Variants in CDC42SE2 observed in about 807,000 individuals in gnomAD.
The protein encoded by CDC42SE2 is CDC42 small effector 2, also known as CDC42 small effector protein 2.
In CDC42SE2, 3 loss-of-function variants were observed where a neutral mutation model predicts 11.5. The observed-to-expected ratio is 0.26, with a 90% CI of 0.12 to 0.67. The LOEUF is 0.67. Ranked by LOEUF, CDC42SE2 falls within the 30% of genes least tolerant of loss-of-function variation. The pLI is 0.80. For missense variants in CDC42SE2, 82 were observed against 106.8 expected, an observed-to-expected ratio of 0.77 and a Z score of 1.02; for synonymous variants, 33 against 34.8, an observed-to-expected ratio of 0.95 and a Z score of 0.18.
intron 1 of CDC42SE2, among the ~76,000 whole-genome samples, chr5:131,250,859 G>C (rs934609539): frequency 1.3e-5 from 2 of 152,046 alleles, no homozygotes; most frequent in Non-Finnish European, 2.9e-5. Flanking sequence ...GGTAAACAGA[G>C]CAAGATCCCA....
the CDC42SE2 span, among the ~76,000 whole-genome samples, chr5:131,228,634 G>A: frequency 6.6e-6 from 1 of 152,220 alleles, no homozygotes; most frequent in African/African-American, 2.4e-5. Flanking sequence ...CTTTTAGGGT[G>A]TATATCCTCA....
rs748627066 is a variant in CDC42SE2, at chr5:131,359,460, C to G, written c.-34C>G. 3.8e-6 allele frequency: 6 copies of G among 1,577,884 alleles called. No homozygotes were observed. The African/African-American group carries it at 8.1e-5, about 21-fold the overall frequency. ...AACTTCCCGAGTTGAGATTTGGAAC[C>G]TTCATTGGTGCTCATTTACTGTGGA... On this transcript the variant is annotated 5_prime_UTR_variant, in exon 3 of 5. Coordinates refer to ENST00000505065, the MANE Select transcript of CDC42SE2 (RefSeq NM_001375635.1).
intron 1 of CDC42SE2, among the ~76,000 whole-genome samples, chr5:131,248,985 A>G (rs1185242130): frequency 6.6e-6 from 1 of 151,260 alleles, no homozygotes; most frequent in Non-Finnish European, 1.5e-5. Context: ...TTGAAGATTA[A>G]TAAGTGTCCA....
chr5:131,370,213 T>G (rs42256), intron 3 of CDC42SE2, among the ~76,000 whole-genome samples: 1 of 152,102 alleles, frequency 6.6e-6, no homozygotes, highest in African/African-American at 2.4e-5. Flanking sequence ...ATTTTATTAT[T>G]GTTGTTATGA....
intron 4 of CDC42SE2, among the ~76,000 whole-genome samples, chr5:131,388,611 C>T (rs1028727427): frequency 1.3e-5 from 2 of 152,060 alleles, no homozygotes; most frequent in African/African-American, 2.4e-5. Context: ...AAAAGATTTC[C>T]GTTACCCGTT....
intron 2 of CDC42SE2, among the ~76,000 whole-genome samples, chr5:131,323,745 T>C (rs895676875): frequency 6.6e-6 from 1 of 152,164 alleles, no homozygotes; most frequent in Non-Finnish European, 1.5e-5. Flanking sequence ...TGAAAAACTC[T>C]GTGTCATTTT....
chr5:131,278,787 CCTT>C (rs1340804804), intron 1 of CDC42SE2, among the ~76,000 whole-genome samples: 16 of 57,248 alleles, frequency 2.8e-4, no homozygotes, highest in South Asian at 8.7e-4. Context: ...TTCTCCCCTC[CCTT>C]CTTTTTTTTT....
chr5:131,345,828 G>A (rs1450068085), intron 2 of CDC42SE2, among the ~76,000 whole-genome samples: 3 of 149,488 alleles, frequency 2.0e-5, no homozygotes, highest in Non-Finnish European at 1.5e-5. Context: ...AGCCAGAAGA[G>A]AGTGGGGGCC....
chr5:131,360,353 C>T (rs544057014), intron 3 of CDC42SE2, among the ~76,000 whole-genome samples: 3 of 152,308 alleles, frequency 2.0e-5, no homozygotes, highest in African/African-American at 7.2e-5. Context: ...CTCCTGACCT[C>T]AGGTGATCCA....
intron 2 of CDC42SE2, among the ~76,000 whole-genome samples, chr5:131,320,161 G>A (rs1053579012): frequency 1.3e-5 from 2 of 151,666 alleles, no homozygotes; most frequent in African/African-American, 4.8e-5. Flanking sequence ...AAGGCAGGTG[G>A]ATCACTTGAG....
intron 1 of CDC42SE2, among the ~76,000 whole-genome samples, chr5:131,254,660 A>C (rs1244329036): frequency 2.7e-5 from 4 of 149,112 alleles, no homozygotes; most frequent in African/African-American, 7.4e-5. Flanking sequence ...TTTAGTCTTC[A>C]TTCTTGCATA....
At chr5:131,293,672 T>G (rs541016699) in intron 1 of CDC42SE2, among the ~76,000 whole-genome samples, 3 of 152,284 alleles carry the variant, frequency 2.0e-5, no homozygotes, top group Admixed American at 1.3e-4. Flanking sequence ...AAACAAATTT[T>G]CATTGTGTAT....
At chr5:131,332,888 G>T (rs1758455634) in intron 2 of CDC42SE2, among the ~76,000 whole-genome samples, 1 of 152,070 alleles carries the variant, frequency 6.6e-6, no homozygotes, top group Non-Finnish European at 1.5e-5. Flanking sequence ...AGATGAGTAG[G>T]TTGCAAAAAT....
intron 1 of CDC42SE2, among the ~76,000 whole-genome samples, chr5:131,312,763 C>G (rs1757952098): frequency 6.6e-6 from 1 of 152,190 alleles, no homozygotes; most frequent in Non-Finnish European, 1.5e-5. Context: ...ACCCCTTGCA[C>G]TTCCCGAGTG....
chr5:131,380,964 T>C (rs1477770000), intron 3 of CDC42SE2, among the ~76,000 whole-genome samples: 2 of 152,240 alleles, frequency 1.3e-5, no homozygotes, highest in Non-Finnish European at 2.9e-5. Context: ...TGACTTGATA[T>C]TGCTGAATCC....
At chr5:131,275,775 T>C (rs1757088381) in intron 1 of CDC42SE2, among the ~76,000 whole-genome samples, 1 of 152,072 alleles carries the variant, frequency 6.6e-6, no homozygotes, top group Non-Finnish European at 1.5e-5. Context: ...TTTTGAAAGC[T>C]CAAATAGAAG....
intron 1 of CDC42SE2, among the ~76,000 whole-genome samples, chr5:131,293,570 C>A (rs1251516951): frequency 5.2e-5 from 4 of 77,370 alleles, no homozygotes; most frequent in African/African-American, 1.4e-4. Context: ...AAAACTCCGT[C>A]TCAAAAAAAA....
intron 1 of CDC42SE2, among the ~76,000 whole-genome samples, chr5:131,307,637 G>T (rs541402674): frequency 6.6e-6 from 1 of 152,260 alleles, no homozygotes; most frequent in African/African-American, 2.4e-5. Flanking sequence ...CTGAGGAATT[G>T]CCACACTGAC....
At chr5:131,296,903 G>C (rs1757580880) in intron 1 of CDC42SE2, among the ~76,000 whole-genome samples, 1 of 151,846 alleles carries the variant, frequency 6.6e-6, no homozygotes, top group Non-Finnish European at 1.5e-5. Flanking sequence ...TTTTATTGAA[G>C]ATTATTATAA....
Sources: allele counts gnomAD v4.1 joint callset (sites outside exome capture counted in the v4.1 genomes callset), GRCh38; gene constraint gnomAD v4.1.1; transcripts MANE v1.5; gene names NCBI Gene and HGNC (gene_info 2026-07-23, HGNC 2026-07-21).